The following SNRNP35 variants were observed in gnomAD, a reference collection of about 807,000 sequenced individuals.
The protein encoded by SNRNP35 is U11/U12 small nuclear ribonucleoprotein 35 kDa protein.
Under a neutral mutation model 24.3 loss-of-function variants are expected in SNRNP35, and 16 were observed. The ratio of observed to expected loss-of-function variants is 0.66; its 90% CI spans 0.45 to 1.00. SNRNP35 has a LOEUF of 1.00. Among genes scored for constraint, SNRNP35 ranks in the 50% least tolerant of loss-of-function variants. SNRNP35 has a pLI of 0.00. For synonymous variants in SNRNP35, 106 were observed against 124.8 expected (o/e 0.85, Z 1.00); for missense variants, 292 against 327.2 (o/e 0.89, Z 0.83).
In SNRNP35 at chr12:123,465,647, T is replaced by C; in HGVS notation, c.107T>C (p.Leu36Pro). 1.2e-6 allele frequency: 2 copies of C among 1,613,890 alleles called. No homozygotes were observed. The highest frequency in any genetic ancestry group is 1.7e-6 in the Non-Finnish European group (2 of 1,179,890). Residue 36 changes from leucine to proline, a missense_variant, in exon 2 of 2, where the codon CTG becomes CCG. Coordinates refer to ENST00000526639, the MANE Select transcript of SNRNP35 (RefSeq NM_022717.4). The surrounding 1 kb of genome is among the most constrained non-coding windows in gnomAD (Gnocchi z 4.2). The stretch of plus-strand genomic sequence containing the variant: ...GACCGCGCGGTCTGGAGGGCAATGC[T>C]GGCACGATATGTCCCCAACAAAGGT... ...PHDRAVWRAM[L>P]ARYVPNKGVI... is the part of the protein sequence containing the mutation.
In SNRNP35 at chr12:123,465,271, A is replaced by G. The variant is rs1037504977; in HGVS notation, c.-3-267A>G. 5.9e-5 allele frequency among the ~76,000 whole-genome samples: 9 copies of G among 152,310 alleles called. No individual in the cohort carries two copies. Among genetic ancestry groups the G allele is most frequent in the Admixed American group, 5.9e-4 (9 of 15,294 alleles). ...CGTGGCTGAGCCAGATGCTGCATAT[A>G]TGGGTGAAACCCGAGCACGCTGCCC... On this transcript the variant is annotated intron_variant, in intron 1 of 1. Coordinates refer to ENST00000526639, the MANE Select transcript of SNRNP35 (RefSeq NM_022717.4). This position sits in a 1 kb window ranked among gnomAD's most constrained non-coding sequence, Gnocchi z 4.2.
intron 1 of SNRNP35, 150 bp downstream of exon 1, chr12:123,458,366 G>C (rs978665050): frequency 5.3e-6 from 2 of 379,864 alleles, no homozygotes; most frequent in Non-Finnish European, 7.2e-6. Flanking sequence ...CGGGGAGTGG[G>C]GACGAGAGCT....
At chr12:123,467,063 T>C (rs1181307274), downstream of SNRNP35, 3 of 152,242 alleles carry the variant, frequency 2.0e-5, no homozygotes, top group Admixed American at 2.0e-4. Flanking sequence ...ATCACACTCC[T>C]CTGAGTCCTT....
At chr12:123,468,905 T>A (rs1232059807), downstream of SNRNP35, among the ~76,000 whole-genome samples, 1 of 152,218 alleles carries the variant, frequency 6.6e-6, no homozygotes, top group African/African-American at 2.4e-5. Flanking sequence ...TGTGACAGTG[T>A]GCAACACTTT....
downstream of SNRNP35, among the ~76,000 whole-genome samples, chr12:123,468,850 G>C (rs911864162): frequency 1.3e-5 from 2 of 152,204 alleles, no homozygotes; most frequent in Non-Finnish European, 2.9e-5. Flanking sequence ...AATACTCTTT[G>C]ATCTAGCAAT....
rs570593584 is a variant in SNRNP35 at position 123,461,138 on chromosome 12, C to T, written c.-4+2922C>T. Among the ~76,000 whole-genome samples, 13 of 145,980 alleles carry T rather than the reference C, an allele frequency of 8.9e-5. No individual in the cohort carries two copies. The South Asian group carries it at 1.5e-3, about 17-fold the overall frequency. On this transcript the variant is annotated intron_variant, in intron 1 of 1. Transcript: ENST00000526639. ...CCTCTTCTTTCTTTTTTTTTTGAGA[C>T]GGAGTCTCGCTCTGTCGCCCAGGCT...
At position 123,465,630 on chromosome 12, in the gene SNRNP35, G is replaced by A. The variant is rs527933019; in HGVS notation, c.90G>A (p.Ala30=). 18 of 1,613,238 alleles carry A rather than the reference G, an allele frequency of 1.1e-5. 2 individuals carry two copies. In the South Asian group the frequency reaches 1.5e-4, roughly 14 times the overall value. ...DGTDEDPHDR[A]VWRAMLARYV... The stretch of plus-strand genomic sequence containing the variant: ...CCGATGAAGACCCACACGACCGCGC[G>A]GTCTGGAGGGCAATGCTGGCACGAT... The change falls in exon 2 of 2, where the codon GCG becomes GCA. Residue 30 remains alanine (A), a synonymous_variant. Transcript: ENST00000526639. This position sits in a 1 kb window ranked among gnomAD's most constrained non-coding sequence, Gnocchi z 4.2.
Position 123,466,186 on chromosome 12 carries a change from C to A in SNRNP35, c.646C>A (p.Pro216Thr), listed in dbSNP as rs748737094. 4 of 1,600,916 alleles carry A rather than the reference C, an allele frequency of 2.5e-6. No homozygotes were observed. The highest frequency in any genetic ancestry group is 1.7e-6 in the Non-Finnish European group (2 of 1,174,744). Residue 216 changes from proline (P) to threonine (T), a missense_variant, in exon 2 of 2, where the codon CCG (proline) becomes ACG (threonine). Coordinates refer to ENST00000526639, the MANE Select transcript of SNRNP35 (RefSeq NM_022717.4). ...GREKRWQERE[P>T]TRVWPDNDWE... ...GGAGAAGAGATGGCAAGAAAGAGAG[C>A]CGACCAGGGTGTGGCCCGACAATGA...
downstream of SNRNP35, among the ~76,000 whole-genome samples, chr12:123,469,225 G>A (rs1249199361): frequency 2.0e-5 from 3 of 151,910 alleles, no homozygotes; most frequent in Non-Finnish European, 2.9e-5. Context: ...TGCGATCTCC[G>A]CTCACTGCAA....
intron 1 of SNRNP35, 111 bp downstream of exon 1, chr12:123,458,327 C>T (rs1229609273): frequency 4.5e-6 from 3 of 667,396 alleles, no homozygotes; most frequent in Admixed American, 6.3e-5. Flanking sequence ...TGAAACCTGG[C>T]AAAGGGGACG....
chr12:123,463,768 TTTA>T (rs2139286503), intron 1 of SNRNP35, among the ~76,000 whole-genome samples: 1 of 151,056 alleles, frequency 6.6e-6, no homozygotes, highest in African/African-American at 2.4e-5. Flanking sequence ...GTTTTTATTT[TTTA>T]TTTTTTTTTT....
Position 123,466,493 on chromosome 12 carries a change from A to T in SNRNP35, c.*212A>T, listed in dbSNP as rs1880991180. 8.5e-6 allele frequency: 4 copies of T among 469,576 alleles called. No individual in the cohort carries two copies. The East Asian group carries it at 1.0e-4, about 12-fold the overall frequency. The allele number at this position is 469,576 out of a possible 1,614,324, so 29.1% of individuals were successfully genotyped here. A position where few individuals can be genotyped will look rare whatever the true frequency, so the allele number is the denominator to read the frequency against. On this transcript the variant is annotated 3_prime_UTR_variant, in exon 2 of 2. Coordinates refer to ENST00000526639, the MANE Select transcript of SNRNP35 (RefSeq NM_022717.4). ...TTCTAAGGACATGTTATTTAACAGGATCAAGAAGCAATTTTGTAGTTACTG... is the reference window on the plus strand; with the variant it reads ...TTCTAAGGACATGTTATTTAACAGGTTCAAGAAGCAATTTTGTAGTTACTG...
exon 2 of SNRNP35, chr12:123,472,216 T>G: frequency 1.4e-5 from 4 of 276,654 alleles, no homozygotes; most frequent in Non-Finnish European, 2.8e-5. Flanking sequence ...TGGCAAGTGA[T>G]GTATTTGGCT....
In SNRNP35 at chr12:123,466,152, CAG is replaced by C. The variant is rs771975872; in HGVS notation, c.613_614del (p.Arg205GlyfsTer19). On this transcript the variant is annotated frameshift_variant, in exon 2 of 2. Transcript: ENST00000526639. LOFTEE classifies it high-confidence loss of function. ...CGAGGACAAGGGATCGAGACCATGA[CAG>C]GGGCCGGGAGAAGAGATGGCAAGAA... The part of the protein sequence containing the change: ...DSRTRDRDHD[R>X]GREKRWQERE... The C allele has an allele frequency of 3.2e-5, 52 of 1,610,192 alleles. No individual in the cohort carries two copies. In the East Asian group the frequency reaches 3.6e-4, roughly 11 times the overall value.
Position 123,466,062 on chromosome 12 carries a change from C to T in SNRNP35, c.522C>T (p.Asp174=). ...TTAACTTGCCAGTTGTTAAAAACGA[C>T]CTCTATAGAGAGGGAAAACGGGAAA... ...KPINLPVVKN[D]LYREGKRERR... The change falls in exon 2 of 2, where the codon GAC becomes GAT. Residue 174 remains aspartate (D), a synonymous_variant. Coordinates refer to ENST00000526639, the MANE Select transcript of SNRNP35 (RefSeq NM_022717.4). 1 of 1,614,012 alleles carries T rather than the reference C, an allele frequency of 6.2e-7. No individual in the cohort carries two copies. The highest frequency in any genetic ancestry group is 8.5e-7 in the Non-Finnish European group (1 of 1,180,018).
Position 123,466,010 on chromosome 12 carries a change from G to C in SNRNP35, c.470G>C (p.Gly157Ala). Residue 157 changes from glycine (G) to alanine (A), a missense_variant, in exon 2 of 2, where the codon GGA (glycine) becomes GCA (alanine). Transcript: ENST00000526639. ...GAGTCTGGGCAACTGAGATTTGGGG[G>C]ACGGGACCGGCCTTTTCGAAAACCT... ...KKESGQLRFG[G>A]RDRPFRKPIN... is the part of the protein sequence containing the mutation. 1 of 1,614,156 alleles carries C rather than the reference G, an allele frequency of 6.2e-7. No homozygotes were observed. The highest frequency in any genetic ancestry group is 8.5e-7 in the Non-Finnish European group (1 of 1,180,030).
At chr12:123,458,826 C>G (rs1480388237) in intron 1 of SNRNP35, 2 of 152,298 alleles carry the variant, frequency 1.3e-5, no homozygotes, top group African/African-American at 4.8e-5. Context: ...GATCTCCTGT[C>G]CTCGTGATCC....
rs112541373 is a variant in SNRNP35, at chr12:123,462,737, C to G, written c.-3-2801C>G. On this transcript the variant is annotated intron_variant, in intron 1 of 1. Coordinates refer to ENST00000526639, the MANE Select transcript of SNRNP35 (RefSeq NM_022717.4). Reference sequence around the variant, plus strand: ...AACTCCTGACCTCAAGTGATCCTCCCGTCTTGGCCTCCTAAAGTGCTGGGA... The same window carrying G: ...AACTCCTGACCTCAAGTGATCCTCCGGTCTTGGCCTCCTAAAGTGCTGGGA... 5.1e-3 allele frequency among the ~76,000 whole-genome samples: 781 copies of G among 152,066 alleles called. 4 individuals carry two copies. The highest frequency in any genetic ancestry group is 0.017 in the Middle Eastern group (5 of 294).
chr12:123,465,730 GA>G lies in SNRNP35; in HGVS notation c.191del (p.Glu64GlyfsTer4). 6.2e-7 allele frequency: 1 copy of G among 1,613,924 alleles called. No individual in the cohort carries two copies. The highest frequency in any genetic ancestry group is 1.1e-5 in the South Asian group (1 of 91,064). On this transcript the variant is annotated frameshift_variant, in exon 2 of 2. Coordinates refer to ENST00000526639, the MANE Select transcript of SNRNP35 (RefSeq NM_022717.4). LOFTEE classifies it high-confidence loss of function. The surrounding 1 kb of genome is among the most constrained non-coding windows in gnomAD (Gnocchi z 4.2). ...GGCCAGACTAAACTTGCAGACCAAG[GA>G]GGACAAATTAAAGGAAGTCTTTTCC... ...FVARLNLQTKEDKLKEVFSRY... is the reference protein window; with the variant it reads ...FVARLNLQTKXDKLKEVFSRY...
Sources: gnomAD v4.1 joint callset for allele counts (sites outside exome capture counted in the v4.1 genomes callset) on GRCh38, gnomAD v4.1.1 for gene constraint, Gnocchi (gnomAD v3.1) non-coding constraint, MANE v1.5 for transcripts, NCBI Gene and HGNC (gene_info 2026-07-23, HGNC 2026-07-21) for gene names.